SEC13: variants seen among roughly 807,000 people sequenced by gnomAD.
The protein encoded by SEC13 is SEC13 homolog, nuclear pore and COPII component, also known as protein SEC13 homolog.
Under a neutral mutation model 49.2 loss-of-function variants are expected in SEC13, and 25 were observed. The observed-to-expected ratio is 0.51, with a 90% CI of 0.37 to 0.71. The LOEUF is 0.71. Ranked by LOEUF, SEC13 falls within the 30% of genes least tolerant of loss-of-function variation. The pLI, the probability that SEC13 is intolerant of heterozygous loss-of-function variation, is 0.00. For synonymous variants in SEC13, 148 were observed against 163.9 expected (o/e 0.90, Z 0.74); for missense variants, 383 against 417.6 (o/e 0.92, Z 0.72).
chr3:10,317,450 T>A (rs1212844370), intron 2 of SEC13, among the ~76,000 whole-genome samples: 2 of 152,206 alleles, frequency 1.3e-5, no homozygotes, highest in Non-Finnish European at 2.9e-5. Context: ...GTGTTTTTCC[T>A]GCGGTAGACT....
In SEC13 at chr3:10,319,761, T is replaced by TGAGAGA. The variant is rs34434283; in HGVS notation, c.3+1283_3+1288dup. ...AGGGTTGATGAACCACACTTCTGAA[T>TGAGAGA]GAGAGAGAGAGAGAGAGAGAGAGAG... On this transcript the variant is annotated intron_variant, in intron 1 of 8. Coordinates refer to ENST00000350697, the MANE Select transcript of SEC13 (RefSeq NM_183352.3). Among the ~76,000 whole-genome samples, 124 of 45,506 alleles carry TGAGAGA rather than the reference T, an allele frequency of 2.7e-3. 2 individuals are homozygous for TGAGAGA. The highest frequency in any genetic ancestry group is 0.011 in the African/African-American group (75 of 6,926). The allele number at this position is 45,506 out of a possible 152,430, so 29.9% of individuals were successfully genotyped here.
chr3:10,315,084 C>A (rs1391378452), intron 3 of SEC13: 4 of 444,966 alleles, frequency 9.0e-6, no homozygotes, highest in Non-Finnish European at 1.6e-5. Context: ...CTGGTGGGTA[C>A]ACATAAAGTG....
At chr3:10,318,521 G>A (rs2059703946) in intron 1 of SEC13, among the ~76,000 whole-genome samples, 1 of 151,964 alleles carries the variant, frequency 6.6e-6, no homozygotes, top group South Asian at 2.1e-4. Flanking sequence ...GTGGGGAAAC[G>A]GCAAGCAGTC....
chr3:10,317,095 A>G (rs994302902), intron 2 of SEC13, among the ~76,000 whole-genome samples: 1 of 152,052 alleles, frequency 6.6e-6, no homozygotes, highest in Non-Finnish European at 1.5e-5. Flanking sequence ...GGCCTCATCT[A>G]GTTCTCAAAC....
At chr3:10,317,827 T>C (rs1701699179) in intron 2 of SEC13, among the ~76,000 whole-genome samples, 1 of 152,092 alleles carries the variant, frequency 6.6e-6, no homozygotes, top group South Asian at 2.1e-4. Flanking sequence ...CCCAGGTTCC[T>C]CCCAGCAGAG....
chr3:10,305,517 A>C (rs770635398), intron 6 of SEC13, 42 bp downstream of exon 6: 175 of 1,607,998 alleles, frequency 1.1e-4, no homozygotes, highest in Non-Finnish European at 1.4e-4. Flanking sequence ...GGTAAAGGGT[A>C]GAAGTGTCCC....
In SEC13 at chr3:10,312,995, G is replaced by C. The variant is rs76299294; in HGVS notation, c.165-265C>G. 3.5e-4 allele frequency: 147 copies of C among 419,812 alleles called. No individual in the cohort carries two copies. The East Asian group carries it at 5.8e-3, about 17-fold the overall frequency. 26.0% of individuals were successfully genotyped at this position (419,812 alleles called of 1,614,324 possible). Reference sequence around the variant, plus strand: ...CAGCCTTCCTGTCCTGGCCAGGCAGGAGCCTCACTTGCCCAGACTGCAGCC... The same window carrying C: ...CAGCCTTCCTGTCCTGGCCAGGCAGCAGCCTCACTTGCCCAGACTGCAGCC... On this transcript the variant is annotated intron_variant, in intron 3 of 8. Coordinates refer to ENST00000350697, the MANE Select transcript of SEC13 (RefSeq NM_183352.3).
rs142051696 is a variant in SEC13, at chr3:10,301,943, T to TAA, written c.856-571_856-570dup. ...TGGAGAGAAAATTAGGAGGCTGCATTAAAAAAAATCAGTCTAGGTCGGGCA... is the reference window on the plus strand; with the variant it reads ...TGGAGAGAAAATTAGGAGGCTGCATTAAAAAAAAAATCAGTCTAGGTCGGGCA... On this transcript the variant is annotated intron_variant, in intron 8 of 8. Coordinates refer to ENST00000350697, the MANE Select transcript of SEC13 (RefSeq NM_183352.3). Among the ~76,000 whole-genome samples the TAA allele has an allele frequency of 7.7e-4, 117 of 152,000 alleles. 1 individual carries two copies. The South Asian group carries it at 0.023, about 30-fold the overall frequency.
intron 5 of SEC13, among the ~76,000 whole-genome samples, chr3:10,308,168 C>A (rs1464663514): frequency 6.6e-6 from 1 of 152,160 alleles, no homozygotes; most frequent in Non-Finnish European, 1.5e-5. Flanking sequence ...CATCACATCA[C>A]CTCAATCAAG....
intron 1 of SEC13, chr3:10,320,527 G>A (rs1241928017): frequency 6.1e-6 from 6 of 985,696 alleles, no homozygotes; most frequent in Non-Finnish European, 7.2e-6. Context: ...CCTACCCCGA[G>A]CAACAGTTCA....
Position 10,312,624 on chromosome 3 carries a change from C to G in SEC13, c.271G>C (p.Gly91Arg), listed in dbSNP as rs137884718. Residue 91 changes from glycine (G) to arginine (R), a missense_variant, in exon 4 of 9, where the codon GGC becomes CGC. Coordinates refer to ENST00000350697, the MANE Select transcript of SEC13 (RefSeq NM_183352.3). ...RKVIIWREEN[G>R]TWEKSHEHAG... is the part of the protein sequence containing the mutation. The stretch of plus-strand genomic sequence containing the variant: ...TGCTCGTGGCTCTTCTCCCAGGTGC[C>G]GTTTTCCTCTCTCCAGATAATGACT... The G allele has an allele frequency of 6.2e-7, 1 of 1,614,166 alleles. No individual in the cohort carries two copies. Among genetic ancestry groups the G allele is most frequent in the Non-Finnish European group, 8.5e-7 (1 of 1,180,038 alleles).
At chr3:10,307,310 GTGATTC>G (rs113734158) in intron 5 of SEC13, among the ~76,000 whole-genome samples, 36,656 of 151,524 alleles carry the variant, frequency 0.24, 5,352 homozygotes, top group East Asian at 0.51. Context: ...CCAGGTTCAA[GTGATTC>G]TCCTGCCTCA....
chr3:10,318,204 G>T (rs1377856955), intron 1 of SEC13, 110 bp from the exon 2 acceptor site: 4 of 751,452 alleles, frequency 5.3e-6, no homozygotes, highest in South Asian at 3.1e-5. Flanking sequence ...CATTCATTCA[G>T]TAAGCATTCA....
At position 10,301,393 on chromosome 3, in the gene SEC13, G is replaced by A. The variant is rs1700499576; in HGVS notation, c.856-19C>T. 1.9e-6 allele frequency: 3 copies of A among 1,614,058 alleles called. No homozygotes were observed. The highest frequency in any genetic ancestry group is 4.5e-5 in the East Asian group (2 of 44,880). ...GGGTCACCTGCGAGTCAGTGCACAA[G>A]CAGATTATCACGGGTCTGTGCCCTT... On this transcript the variant is annotated intron_variant, in intron 8 of 8. Coordinates refer to ENST00000350697, the MANE Select transcript of SEC13 (RefSeq NM_183352.3).
chr3:10,305,320 A>G, intron 6 of SEC13, 164 bp from the exon 7 acceptor site: 1 of 1,220,592 alleles, frequency 8.2e-7, no homozygotes, highest in Non-Finnish European at 1.1e-6. Flanking sequence ...TGTAAAAAAA[A>G]CCCTCCAGAA....
Position 10,311,995 on chromosome 3 carries a change from C to T in SEC13, c.420G>A (p.Trp140Ter). The change falls in exon 5 of 9, where the codon TGG becomes TGA. Residue 140 changes from tryptophan (W) to a stop codon, truncating the protein, a stop_gained. Transcript: ENST00000350697. LOFTEE classifies it high-confidence loss of function. ...GAGCGTTGTTGATCTTCTTTACTTC[C>T]CATTGGCCTTCCCCGGTGTAAGTCA... ...SLLTYTGEGQ[W>*]EVKKINNAHT... 1 of 1,614,224 alleles carries T rather than the reference C, an allele frequency of 6.2e-7. No individual in the cohort carries two copies. Among genetic ancestry groups the T allele is most frequent in the Non-Finnish European group, 8.5e-7 (1 of 1,180,046 alleles).
intron 3 of SEC13, chr3:10,314,052 A>G (rs1701451636): frequency 6.6e-6 from 1 of 152,344 alleles, no homozygotes; most frequent in African/African-American, 2.4e-5. Flanking sequence ...GACCCTCATC[A>G]GACTAATGTA....
intron 5 of SEC13, chr3:10,311,760 C>T: frequency 7.1e-7 from 1 of 1,417,546 alleles, no homozygotes; most frequent in Non-Finnish European, 9.2e-7. Context: ...GAGCACACAA[C>T]AAGGAAGCAG....
chr3:10,320,555 C>G (rs1044761471), intron 1 of SEC13: 65 of 986,488 alleles, frequency 6.6e-5, no homozygotes, highest in Non-Finnish European at 7.8e-5. Context: ...CTGCTGGGAG[C>G]TGCAGTAGGC....
Sources: allele counts gnomAD v4.1 joint callset (sites outside exome capture counted in the v4.1 genomes callset), GRCh38; gene constraint gnomAD v4.1.1; transcripts MANE v1.5; gene names NCBI Gene and HGNC (gene_info 2026-07-23, HGNC 2026-07-21).